The following PTPRM variants were observed in gnomAD, a reference collection of about 807,000 sequenced individuals.
PTPRM encodes the protein protein tyrosine phosphatase receptor type M, also known as receptor-type tyrosine-protein phosphatase mu.
Under a neutral mutation model 186.7 loss-of-function variants are expected in PTPRM, and 47 were observed. The ratio of observed to expected loss-of-function variants is 0.25; its 90% CI spans 0.20 to 0.32. The LOEUF (loss-of-function observed/expected upper bound fraction) is 0.32. Among genes scored for constraint, PTPRM ranks in the 10% least tolerant of loss-of-function variants. The pLI, the probability that PTPRM is intolerant of heterozygous loss-of-function variation, is 1.00. For missense variants in PTPRM, 1,494 were observed against 1,865.0 expected, an observed-to-expected ratio of 0.80 and a Z score of 3.66; for synonymous variants, 668 against 674.9, an observed-to-expected ratio of 0.99 and a Z score of 0.16.
intron 7 of PTPRM, among the ~76,000 whole-genome samples, chr18:8,013,508 A>G (rs2084668887): frequency 6.6e-6 from 1 of 152,172 alleles, no homozygotes. Flanking sequence ...CTATTCATCA[A>G]GTGGAGGTGG....
intron 14 of PTPRM, among the ~76,000 whole-genome samples, chr18:8,183,611 A>G (rs2093606068): frequency 6.6e-6 from 1 of 152,198 alleles, no homozygotes. Flanking sequence ...GTATTGAGTC[A>G]CATTCCAGGC....
chr18:7,903,120 C>G (rs1341404814), intron 3 of PTPRM, among the ~76,000 whole-genome samples: 7 of 152,214 alleles, frequency 4.6e-5, no homozygotes, highest in African/African-American at 1.7e-4. Context: ...TTCAGCTGTT[C>G]TATCCATGAT....
At chr18:7,756,135 T>C (rs2041476652) in intron 1 of PTPRM, among the ~76,000 whole-genome samples, 1 of 152,202 alleles carries the variant, frequency 6.6e-6, no homozygotes. Context: ...ATTTCAATTT[T>C]GAAGAGAGAT....
At position 7,880,073 on chromosome 18, in the gene PTPRM, AACTC is replaced by A. The variant is rs531385521; in HGVS notation, c.197-8025_197-8022del. 3.1e-3 allele frequency among the ~76,000 whole-genome samples: 470 copies of A among 152,258 alleles called. 1 individual carries two copies. The highest frequency in any genetic ancestry group is 2.6e-3 in the Non-Finnish European group (179 of 68,042). ...TTATAAAACCATCAGATTTCATGAGAACTCACTCACTATCATGAGGACAACATGA... is the reference window on the plus strand; with the variant it reads ...TTATAAAACCATCAGATTTCATGAGAACTCACTATCATGAGGACAACATGA... On this transcript the variant is annotated intron_variant, in intron 2 of 32. Transcript: ENST00000580170.
At chr18:8,065,013 A>G (rs557427239) in intron 7 of PTPRM, among the ~76,000 whole-genome samples, 6 of 152,246 alleles carry the variant, frequency 3.9e-5, no homozygotes, top group Non-Finnish European at 5.9e-5. Flanking sequence ...ATACACCTCC[A>G]TAGAGTTCAT....
intron 14 of PTPRM, among the ~76,000 whole-genome samples, chr18:8,218,872 G>A (rs961779579): frequency 3.3e-5 from 5 of 152,100 alleles, no homozygotes; most frequent in Admixed American, 3.3e-4. Context: ...CATGTTCTTG[G>A]GAAAAGAGTA....
chr18:8,261,204 AAAAC>A (rs1290098300), intron 19 of PTPRM, among the ~76,000 whole-genome samples: 5 of 152,202 alleles, frequency 3.3e-5, no homozygotes, highest in African/African-American at 9.6e-5. Flanking sequence ...CATAGGATAC[AAAAC>A]AAACAAAACA....
At chr18:8,250,549 G>A (rs2094518590) in intron 17 of PTPRM, among the ~76,000 whole-genome samples, 1 of 152,012 alleles carries the variant, frequency 6.6e-6, no homozygotes, top group African/African-American at 2.4e-5. Context: ...GGAGGCCAAG[G>A]CAGGAAGATC....
intron 2 of PTPRM, among the ~76,000 whole-genome samples, chr18:7,886,921 G>A (rs2048817026): frequency 6.6e-6 from 1 of 152,128 alleles, no homozygotes; most frequent in African/African-American, 2.4e-5. Flanking sequence ...TTGTTTTGCT[G>A]TTTAGGCAAT....
At chr18:7,994,685 T>G (rs1448756101) in intron 7 of PTPRM, among the ~76,000 whole-genome samples, 1 of 151,970 alleles carries the variant, frequency 6.6e-6, no homozygotes, top group Non-Finnish European at 1.5e-5. Flanking sequence ...TGTTGGAACC[T>G]GGAAAAAATA....
At chr18:8,280,420 G>GGT (rs2094890219) in intron 19 of PTPRM, among the ~76,000 whole-genome samples, 1 of 121,986 alleles carries the variant, frequency 8.2e-6, no homozygotes, top group Admixed American at 9.0e-5. Flanking sequence ...TGGGGGGGGG[G>GGT]TCACAATTCA....
chr18:7,888,750 G>A (rs989838557), intron 3 of PTPRM, among the ~76,000 whole-genome samples: 8 of 151,786 alleles, frequency 5.3e-5, no homozygotes, highest in African/African-American at 1.9e-4. Context: ...GTGGTGGACT[G>A]GATTAAAAAA....
chr18:7,635,005 G>A (rs2038279173), intron 1 of PTPRM, among the ~76,000 whole-genome samples: 1 of 151,900 alleles, frequency 6.6e-6, no homozygotes, highest in South Asian at 2.1e-4. Context: ...TTTTTCAAAT[G>A]TAAAAACAAA....
chr18:8,378,423 T>C lies in PTPRM; in HGVS notation c.3612+9T>C, dbSNP rs762074053. 4 of 1,613,800 alleles carry C rather than the reference T, an allele frequency of 2.5e-6. No homozygotes were observed. The Admixed American group carries it at 5.0e-5, about 20-fold the overall frequency. On this transcript the variant is annotated intron_variant, in intron 27 of 32. Coordinates refer to ENST00000580170, the MANE Select transcript of PTPRM (RefSeq NM_001105244.2). ...TTAAAGAGGAATTCCGGGTAAGTGA[T>C]GCCTAAGGGAGGGGCACTGCACGGT...
At chr18:8,248,319 G>A in intron 17 of PTPRM, 143 bp downstream of exon 17, 1 of 826,542 alleles carries the variant, frequency 1.2e-6, no homozygotes, top group Non-Finnish European at 2.1e-6. Flanking sequence ...CCTGGGTCAT[G>A]GGGTTAAAGG....
intron 1 of PTPRM, among the ~76,000 whole-genome samples, chr18:7,591,250 C>T (rs189091417): frequency 3.2e-4 from 49 of 152,268 alleles, no homozygotes; most frequent in Non-Finnish European, 5.6e-4. Context: ...GGAATTGTTT[C>T]TTTGCTGAAG....
intron 1 of PTPRM, among the ~76,000 whole-genome samples, chr18:7,758,752 T>G (rs2041627349): frequency 6.6e-6 from 1 of 152,222 alleles, no homozygotes; most frequent in Non-Finnish European, 1.5e-5. Context: ...ATTTCTGTGA[T>G]AAACATCTCT....
chr18:7,960,279 T>G (rs1475218391), intron 7 of PTPRM, among the ~76,000 whole-genome samples: 1 of 152,006 alleles, frequency 6.6e-6, no homozygotes, highest in Non-Finnish European at 1.5e-5. Flanking sequence ...TTAATATACC[T>G]AAAAATATTT....
intron 5 of PTPRM, among the ~76,000 whole-genome samples, chr18:7,942,044 A>C (rs149766156): frequency 1.3e-5 from 2 of 152,138 alleles, no homozygotes; most frequent in African/African-American, 2.4e-5. Context: ...CCAGCACTTT[A>C]GGAGGCCAAG....
Sources: gnomAD v4.1 joint callset for allele counts (sites outside exome capture counted in the v4.1 genomes callset) on GRCh38, gnomAD v4.1.1 for gene constraint, MANE v1.5 for transcripts, NCBI Gene and HGNC (gene_info 2026-07-23, HGNC 2026-07-21) for gene names.